PTPRC: variants seen among roughly 807,000 people sequenced by gnomAD.
PTPRC encodes the protein receptor-type tyrosine-protein phosphatase C.
A neutral mutation model predicts 155.9 loss-of-function variants in PTPRC; 44 were observed. That is an observed-to-expected ratio of 0.28 (90% CI 0.22 to 0.36). PTPRC has a LOEUF of 0.36. PTPRC is among the 10% of genes least tolerant of loss of function. The pLI is 1.00. For missense variants in PTPRC, 1,401 were observed against 1,564.6 expected (o/e 0.90, Z 1.76); for synonymous variants, 525 against 533.1 (o/e 0.98, Z 0.21).
chr1:198,743,215 T>C (rs991375809), intron 25 of PTPRC, among the ~76,000 whole-genome samples: 23 of 151,670 alleles, frequency 1.5e-4, no homozygotes, highest in Non-Finnish European at 4.4e-5. Context: ...AAAGCAATGA[T>C]CTAGGTTTGT....
At chr1:198,725,234 GTTGAC>G (rs1169327632) in intron 15 of PTPRC, among the ~76,000 whole-genome samples, 1 of 152,072 alleles carries the variant, frequency 6.6e-6, no homozygotes, top group African/African-American at 2.4e-5. Context: ...AAACTCATAA[GTTGAC>G]TTATTATTTT....
chr1:198,666,325 A>G (rs1334944974), intron 2 of PTPRC, among the ~76,000 whole-genome samples: 2 of 151,914 alleles, frequency 1.3e-5, no homozygotes, highest in Non-Finnish European at 2.9e-5. Flanking sequence ...TTAGACAACC[A>G]TGTGTATGTG....
At chr1:198,640,093 A>G (rs1662491187) in intron 2 of PTPRC, among the ~76,000 whole-genome samples, 1 of 152,018 alleles carries the variant, frequency 6.6e-6, no homozygotes, top group African/African-American at 2.4e-5. Flanking sequence ...AGGAAAATGC[A>G]ACTAGTTGGA....
chr1:198,683,051 G>A (rs1441941036), intron 2 of PTPRC, among the ~76,000 whole-genome samples: 2 of 152,230 alleles, frequency 1.3e-5, no homozygotes, highest in South Asian at 4.1e-4. Flanking sequence ...TTTACAGTCA[G>A]ACAGATCTGC....
chr1:198,697,055 A>G, intron 4 of PTPRC, 146 bp downstream of exon 4: 3 of 799,540 alleles, frequency 3.8e-6, no homozygotes, highest in Admixed American at 1.9e-5. Flanking sequence ...GGAAATTAGT[A>G]TCTGTGAAAT....
At chr1:198,750,873 A>G (rs1298484585) in intron 29 of PTPRC, among the ~76,000 whole-genome samples, 4 of 151,958 alleles carry the variant, frequency 2.6e-5, no homozygotes, top group African/African-American at 9.7e-5. Context: ...AGGATGCAGC[A>G]ATGTCAGCGT....
intron 2 of PTPRC, among the ~76,000 whole-genome samples, chr1:198,668,261 G>C (rs1256708738): frequency 3.9e-5 from 6 of 152,008 alleles, no homozygotes; most frequent in Non-Finnish European, 4.4e-5. Context: ...CCCCAGGCTG[G>C]TTTCAAACTC....
chr1:198,718,363 T>C, intron 14 of PTPRC, 61 bp downstream of exon 14: 3 of 1,357,518 alleles, frequency 2.2e-6, no homozygotes, highest in Non-Finnish European at 3.1e-6. Context: ...TGATTCATAG[T>C]ACTTAAATAA....
intron 14 of PTPRC, among the ~76,000 whole-genome samples, chr1:198,721,552 A>T (rs1653887583): frequency 2.0e-5 from 3 of 152,046 alleles, no homozygotes; most frequent in South Asian, 2.1e-4. Context: ...ATAATTTGGA[A>T]GAGTTTTTAA....
chr1:198,749,177 T>G (rs961806170), intron 27 of PTPRC, among the ~76,000 whole-genome samples: 3 of 151,732 alleles, frequency 2.0e-5, no homozygotes, highest in Non-Finnish European at 4.4e-5. Flanking sequence ...GATATCTCTT[T>G]GTTGTTTGAC....
chr1:198,667,785 G>A (rs1257978652), intron 2 of PTPRC, among the ~76,000 whole-genome samples: 1 of 152,344 alleles, frequency 6.6e-6, no homozygotes, highest in East Asian at 1.9e-4. Context: ...ATCAGTGAAA[G>A]TGGAGTGTTT....
chr1:198,680,921 C>T (rs1031770120), intron 2 of PTPRC, among the ~76,000 whole-genome samples: 5 of 152,106 alleles, frequency 3.3e-5, no homozygotes, highest in South Asian at 4.1e-4. Context: ...AGTTTTTACA[C>T]TGTTACTCTA....
intron 2 of PTPRC, among the ~76,000 whole-genome samples, chr1:198,655,645 T>C (rs1191523028): frequency 6.6e-6 from 1 of 152,098 alleles, no homozygotes; most frequent in Non-Finnish European, 1.5e-5. Context: ...CAGTGAGATT[T>C]ACAGCTTAGA....
chr1:198,644,314 T>C (rs948789046), intron 2 of PTPRC, among the ~76,000 whole-genome samples: 6 of 150,552 alleles, frequency 4.0e-5, no homozygotes, highest in Non-Finnish European at 8.8e-5. Context: ...TTTGCATACA[T>C]AAAGACCTCA....
chr1:198,756,564 A>C lies in PTPRC; in HGVS notation c.*383A>C. On this transcript the variant is annotated 3_prime_UTR_variant, in exon 33 of 33. Transcript: ENST00000442510. ...GAAGAAAAAATACATTTTATATTAG[A>C]AGTGTTAACTTAGCTTGAAGGATCT... The C allele has an allele frequency of 4.9e-6, 1 of 202,834 alleles. No individual in the cohort carries two copies. The highest frequency in any genetic ancestry group is 1.0e-5 in the Non-Finnish European group (1 of 98,766). The allele number at this position is 202,834 out of a possible 1,614,324, so 12.6% of individuals were successfully genotyped here.
chr1:198,729,007 T>G (rs1654268135), intron 16 of PTPRC, 130 bp from the exon 17 acceptor site: 7 of 1,009,244 alleles, frequency 6.9e-6, no homozygotes, highest in Non-Finnish European at 9.9e-6. Flanking sequence ...TCTCCTCTCC[T>G]CTCTTCCCCT....
chr1:198,749,610 T>G, intron 28 of PTPRC, 61 bp downstream of exon 28: 1 of 1,525,868 alleles, frequency 6.6e-7, no homozygotes, highest in South Asian at 1.1e-5. Flanking sequence ...TCTATGTTAT[T>G]AGGGCCATTC....
intron 5 of PTPRC, chr1:198,700,068 G>A (rs1367950582): frequency 6.3e-6 from 2 of 316,892 alleles, no homozygotes; most frequent in Non-Finnish European, 1.2e-5. Context: ...ACAAACAAAA[G>A]GGTGAAGAGT....
intron 2 of PTPRC, among the ~76,000 whole-genome samples, chr1:198,645,990 A>C (rs577282038): frequency 9.2e-5 from 14 of 151,828 alleles, no homozygotes; most frequent in African/African-American, 3.4e-4. Flanking sequence ...CCTCTTTTAA[A>C]AGCTCCTATT....
Sources: gnomAD v4.1 joint callset for allele counts (sites outside exome capture counted in the v4.1 genomes callset) on GRCh38, gnomAD v4.1.1 for gene constraint, MANE v1.5 for transcripts, NCBI Gene and HGNC (gene_info 2026-07-23, HGNC 2026-07-21) for gene names.